IMPG2: variants seen among roughly 807,000 people sequenced by gnomAD.
The protein encoded by IMPG2 is IPM 200.
A neutral mutation model predicts 129.2 loss-of-function variants in IMPG2; 91 were observed. The observed-to-expected ratio is 0.70, with a 90% CI of 0.59 to 0.84. The LOEUF is 0.84. Ranked by LOEUF, IMPG2 falls within the 40% of genes least tolerant of loss-of-function variation. IMPG2 has a pLI of 0.00. For missense variants in IMPG2, 1,430 were observed against 1,461.7 expected (o/e 0.98, Z 0.35); for synonymous variants, 510 against 517.7 (o/e 0.99, Z 0.20).
intron 4 of IMPG2, among the ~76,000 whole-genome samples, chr3:101,288,104 G>A (rs1196864428): frequency 6.6e-6 from 1 of 152,028 alleles, no homozygotes; most frequent in East Asian, 1.9e-4. Context: ...CTCAAAAGAA[G>A]ACATACATGA....
At chr3:101,258,840 TC>T (rs779910500) in intron 9 of IMPG2, among the ~76,000 whole-genome samples, 1 of 152,178 alleles carries the variant, frequency 6.6e-6, no homozygotes, top group Non-Finnish European at 1.5e-5. Flanking sequence ...AGACTCCAAC[TC>T]AGATTCCTCT....
At chr3:101,310,985 T>C (rs1236830508) in intron 2 of IMPG2, among the ~76,000 whole-genome samples, 1 of 152,204 alleles carries the variant, frequency 6.6e-6, no homozygotes, top group Non-Finnish European at 1.5e-5. Context: ...AACCCTTTTA[T>C]ACCTTGTAGT....
intron 14 of IMPG2, 87 bp from the exon 15 acceptor site, chr3:101,233,078 A>G (rs2107208250): frequency 8.4e-7 from 1 of 1,191,854 alleles, no homozygotes; most frequent in East Asian, 2.3e-5. Context: ...TTCTCCCCCA[A>G]AGTATATGGG....
intron 2 of IMPG2, among the ~76,000 whole-genome samples, chr3:101,305,162 A>G (rs965022018): frequency 1.3e-5 from 2 of 152,168 alleles, no homozygotes; most frequent in African/African-American, 4.8e-5. Context: ...TCAATGATAA[A>G]CAGAAATGAA....
chr3:101,244,896 A>T (rs544663886), intron 12 of IMPG2, 109 bp from the exon 13 acceptor site: 13 of 922,650 alleles, frequency 1.4e-5, no homozygotes, highest in Non-Finnish European at 2.0e-5. Context: ...TAAGAGGGAC[A>T]ATTGTTGACT....
chr3:101,256,193 GA>G, intron 10 of IMPG2, among the ~76,000 whole-genome samples: 1 of 148,298 alleles, frequency 6.7e-6, no homozygotes. Flanking sequence ...AAGAAAGAAA[GA>G]AAGAAAGAAA....
In IMPG2 at chr3:101,243,782, T is replaced by G. The variant is rs1706436835; in HGVS notation, c.2549A>C (p.Tyr850Ser). 1 of 1,613,966 alleles carries G rather than the reference T, an allele frequency of 6.2e-7. No homozygotes were observed. The highest frequency in any genetic ancestry group is 8.5e-7 in the Non-Finnish European group (1 of 1,179,950). Residue 850 changes from tyrosine to serine, a missense_variant, in exon 13 of 19, where the codon TAT (tyrosine) becomes TCT (serine). Tyr to Ser is a moderately radical substitution (Grantham distance 144, BLOSUM62 -2). Transcript: ENST00000193391. ...LELDRIGTDY[Y>S]QPEQVQEQNG... The stretch of plus-strand genomic sequence containing the variant: ...TTGCTCTTGGACTTGCTCAGGCTGA[T>G]AGTAATCTGTGCCTATCCGGTCCAG...
chr3:101,227,948 T>C, intron 18 of IMPG2: 2 of 427,802 alleles, frequency 4.7e-6, no homozygotes, highest in Non-Finnish European at 9.5e-6. Context: ...TAATTTCTCT[T>C]ATAAGCATGC....
At chr3:101,238,954 T>C (rs62280637) in intron 14 of IMPG2, among the ~76,000 whole-genome samples, 19,542 of 152,182 alleles carry the variant, frequency 0.13, 1,317 homozygotes, top group Middle Eastern at 0.17. Context: ...GACCCATCAG[T>C]GTGCTGTATT....
In IMPG2 at chr3:101,281,238, AGTG is replaced by A. The variant is rs1254693638; in HGVS notation, c.534-4528_534-4526del. Among the ~76,000 whole-genome samples, 3 of 152,232 alleles carry A rather than the reference AGTG, an allele frequency of 2.0e-5. No individual in the cohort carries two copies. The East Asian group carries it at 5.8e-4, about 29-fold the overall frequency. Reference sequence around the variant, plus strand: ...GGAGTTTAAGGAGTGATTGGAGCTAAGTGGACATTCTTTCAAGATGTCTGGCTA... The same window carrying A: ...GGAGTTTAAGGAGTGATTGGAGCTAAGACATTCTTTCAAGATGTCTGGCTA... On this transcript the variant is annotated intron_variant, in intron 4 of 18. Transcript: ENST00000193391.
intron 2 of IMPG2, among the ~76,000 whole-genome samples, chr3:101,307,229 C>T (rs1282788017): frequency 6.6e-6 from 1 of 152,080 alleles, no homozygotes; most frequent in African/African-American, 2.4e-5. Flanking sequence ...ATGGACAACA[C>T]CAAAATTTGG....
intron 11 of IMPG2, among the ~76,000 whole-genome samples, chr3:101,252,095 GC>G (rs1706550557): frequency 6.6e-6 from 1 of 152,102 alleles, no homozygotes; most frequent in African/African-American, 2.4e-5. Flanking sequence ...GAACAAGTGA[GC>G]CCTATTGGTG....
chr3:101,315,761 C>T (rs2058781293), intron 2 of IMPG2, among the ~76,000 whole-genome samples: 1 of 151,860 alleles, frequency 6.6e-6, no homozygotes, highest in Admixed American at 6.6e-5. Flanking sequence ...AAAATTTCAG[C>T]AGCCCTTTTG....
At position 101,244,042 on chromosome 3, in the gene IMPG2, A is replaced by C. The variant is rs1015904602; in HGVS notation, c.2289T>G (p.Val763=). 2 of 1,613,922 alleles carry C rather than the reference A, an allele frequency of 1.2e-6. No homozygotes were observed. The highest frequency in any genetic ancestry group is 1.7e-6 in the Non-Finnish European group (2 of 1,180,026). ...TTTGCATATCTGGCTTTACCATTGA[A>C]ACCTCACTGTCAAACCATTCATAGT... ...SSNYEWFDSE[V]SMVKPDMQTL... The change falls in exon 13 of 19, where the codon GTT becomes GTG. Residue 763 remains valine, a synonymous_variant. Transcript: ENST00000193391.
chr3:101,231,502 C>T (rs1168907200), intron 15 of IMPG2, among the ~76,000 whole-genome samples: 1 of 152,200 alleles, frequency 6.6e-6, no homozygotes, highest in African/African-American at 2.4e-5. Context: ...AGAACTGGGC[C>T]TAGAACCCAG....
intron 18 of IMPG2, among the ~76,000 whole-genome samples, chr3:101,227,513 A>G (rs1706237664): frequency 1.3e-5 from 2 of 152,234 alleles, no homozygotes; most frequent in African/African-American, 2.4e-5. Context: ...GAAAAGATGC[A>G]TTTTTAATTC....
chr3:101,277,589 T>C (rs1484531695), intron 4 of IMPG2, among the ~76,000 whole-genome samples: 3 of 152,182 alleles, frequency 2.0e-5, no homozygotes, highest in African/African-American at 7.2e-5. Flanking sequence ...AACCTATTTA[T>C]ATAAAGAAAG....
chr3:101,239,331 A>G (rs898065827), intron 14 of IMPG2, among the ~76,000 whole-genome samples: 5 of 152,220 alleles, frequency 3.3e-5, no homozygotes, highest in Non-Finnish European at 7.3e-5. Context: ...AAACATATGA[A>G]AAAAGCTCAT....
At chr3:101,294,562 T>C (rs567070906) in intron 3 of IMPG2, among the ~76,000 whole-genome samples, 45 of 152,350 alleles carry the variant, frequency 3.0e-4, no homozygotes, top group Admixed American at 1.0e-3. Context: ...TACATGTGCA[T>C]GTGTCTTTAT....
Sources: gnomAD v4.1 joint callset for allele counts (sites outside exome capture counted in the v4.1 genomes callset) on GRCh38, gnomAD v4.1.1 for gene constraint, MANE v1.5 for transcripts, NCBI Gene and HGNC (gene_info 2026-07-23, HGNC 2026-07-21) for gene names.